Variants in MAP3K3 observed in about 807,000 individuals in gnomAD.
The protein encoded by MAP3K3 is mitogen-activated protein kinase kinase kinase 3, also known as MAP/ERK kinase kinase 3.
A neutral mutation model predicts 80.9 loss-of-function variants in MAP3K3; 12 were observed. The ratio of observed to expected loss-of-function variants is 0.15; its 90% confidence interval spans 0.10 to 0.24. MAP3K3 has a LOEUF of 0.24. Among genes scored for constraint, MAP3K3 ranks in the 10% least tolerant of loss-of-function variants. MAP3K3 has a pLI of 1.00. For synonymous variants in MAP3K3, 272 were observed against 307.1 expected (o/e 0.89, Z 1.19); for missense variants, 596 against 834.7 (o/e 0.71, Z 3.52).
chr17:63,654,144 C>T (rs918444268), intron 4 of MAP3K3, among the ~76,000 whole-genome samples: 1 of 152,202 alleles, frequency 6.6e-6, no homozygotes, highest in Non-Finnish European at 1.5e-5. Context: ...GCTGGGATTA[C>T]AGGCATGAGC....
chr17:63,670,458 C>A (rs1210834960), intron 6 of MAP3K3, among the ~76,000 whole-genome samples: 1 of 151,762 alleles, frequency 6.6e-6, no homozygotes, highest in African/African-American at 2.4e-5. Context: ...TGGTGAGTGC[C>A]TCTAGTCCCA....
chr17:63,687,331 C>T (rs1449725469), intron 8 of MAP3K3, among the ~76,000 whole-genome samples: 2 of 148,790 alleles, frequency 1.3e-5, no homozygotes, highest in Non-Finnish European at 3.0e-5. Context: ...TAGTGAAACC[C>T]TGTCTCTACT....
At position 63,690,319 on chromosome 17, in the gene MAP3K3, C is replaced by T. The variant is rs201713792; in HGVS notation, c.1119C>T (p.Phe373=). The T allele has an allele frequency of 1.3e-5, 21 of 1,614,068 alleles. No homozygotes were observed. Among genetic ancestry groups the T allele is most frequent in the East Asian group, 6.7e-5 (3 of 44,896 alleles). The change falls in exon 12 of 16, where the codon TTC becomes TTT. Residue 373 remains phenylalanine (F), a synonymous_variant. Coordinates refer to ENST00000361733, the MANE Select transcript of MAP3K3 (RefSeq NM_002401.5). ...GAAAGCTCCTGGGCCAGGGTGCCTTCGGCAGGGTCTATTTGTGCTATGACG... is the reference window on the plus strand; with the variant it reads ...GAAAGCTCCTGGGCCAGGGTGCCTTTGGCAGGGTCTATTTGTGCTATGACG... ...RRGKLLGQGA[F]GRVYLCYDVD... is the part of the protein sequence containing the mutation.
At chr17:63,632,179 T>C (rs528506457) in intron 1 of MAP3K3, among the ~76,000 whole-genome samples, 71 of 152,218 alleles carry the variant, frequency 4.7e-4, no homozygotes, top group Non-Finnish European at 6.9e-4. Flanking sequence ...GGAAATCTGA[T>C]TGGAGGGCTA....
chr17:63,676,182 C>T (rs1206739320), intron 6 of MAP3K3, among the ~76,000 whole-genome samples: 2 of 152,222 alleles, frequency 1.3e-5, no homozygotes, highest in Admixed American at 1.3e-4. Flanking sequence ...TCTCTGCAGG[C>T]ACAGTGTGGA....
intron 6 of MAP3K3, among the ~76,000 whole-genome samples, chr17:63,669,291 G>A (rs781662159): frequency 2.6e-5 from 4 of 152,178 alleles, no homozygotes; most frequent in African/African-American, 4.8e-5. Context: ...TGGAGAGCTC[G>A]CTATTCTTCA....
chr17:63,644,293 C>T (rs1235690690), intron 2 of MAP3K3, among the ~76,000 whole-genome samples: 2 of 152,156 alleles, frequency 1.3e-5, no homozygotes, highest in Non-Finnish European at 2.9e-5. Context: ...CAGCTCACTG[C>T]AACCTCTGCC....
chr17:63,671,826 G>A (rs1243457761), intron 6 of MAP3K3, among the ~76,000 whole-genome samples: 2 of 152,158 alleles, frequency 1.3e-5, no homozygotes, highest in Non-Finnish European at 2.9e-5. Context: ...AGTGGCCTCA[G>A]TTTTAAGGTA....
intron 6 of MAP3K3, among the ~76,000 whole-genome samples, chr17:63,676,276 A>C (rs1428104284): frequency 6.6e-6 from 1 of 152,202 alleles, no homozygotes; most frequent in African/African-American, 2.4e-5. Flanking sequence ...CTGGGTCTGT[A>C]GTGCTGGCCT....
chr17:63,660,283 C>T (rs2034860973), intron 5 of MAP3K3, among the ~76,000 whole-genome samples: 1 of 152,132 alleles, frequency 6.6e-6, no homozygotes, highest in Non-Finnish European at 1.5e-5. Context: ...TCACCACAGC[C>T]TCAACCTCCC....
intron 2 of MAP3K3, among the ~76,000 whole-genome samples, chr17:63,641,264 A>G (rs909862516): frequency 8.1e-5 from 12 of 148,216 alleles, no homozygotes; most frequent in Non-Finnish European, 1.5e-4. Flanking sequence ...TTTTCCTGAG[A>G]TGGAGTCTTG....
chr17:63,624,565 T>C (rs1168313139), intron 1 of MAP3K3, among the ~76,000 whole-genome samples: 1 of 152,182 alleles, frequency 6.6e-6, no homozygotes, highest in African/African-American at 2.4e-5. Flanking sequence ...GGAAACTATA[T>C]AGGCTGGGTC....
Position 63,647,054 on chromosome 17 carries a change from T to G in MAP3K3, c.167+980T>G, listed in dbSNP as rs895372414. The stretch of plus-strand genomic sequence containing the variant: ...GGACCTTAGTACCTCTAAACATTCT[T>G]GATTCTGGTAGTTCTCTACAGTTGG... On this transcript the variant is annotated intron_variant, in intron 3 of 15. Transcript: ENST00000361733. 2.0e-5 allele frequency among the ~76,000 whole-genome samples: 3 copies of G among 152,190 alleles called. No individual in the cohort carries two copies. The East Asian group carries it at 5.8e-4, about 29-fold the overall frequency.
rs1204919063 is a variant in MAP3K3 at position 63,688,894 on chromosome 17, T to C, written c.871+13T>C. ...GACTACAGTGATGGTGAGTTCTTCTTCACCTGCTCCCTGCTGGCTGCCTCA... is the reference window on the plus strand; with the variant it reads ...GACTACAGTGATGGTGAGTTCTTCTCCACCTGCTCCCTGCTGGCTGCCTCA... On this transcript the variant is annotated intron_variant, in intron 10 of 15. Coordinates refer to ENST00000361733, the MANE Select transcript of MAP3K3 (RefSeq NM_002401.5). 1.2e-6 allele frequency: 2 copies of C among 1,601,752 alleles called. No individual in the cohort carries two copies. Among genetic ancestry groups the C allele is most frequent in the Admixed American group, 1.7e-5 (1 of 59,976 alleles).
intron 2 of MAP3K3, among the ~76,000 whole-genome samples, chr17:63,645,809 C>T (rs1446529705): frequency 6.6e-6 from 1 of 152,176 alleles, no homozygotes; most frequent in East Asian, 1.9e-4. Context: ...TGGGCAGCCA[C>T]CTAGGGATCT....
intron 3 of MAP3K3, among the ~76,000 whole-genome samples, chr17:63,647,136 C>A (rs2034556425): frequency 6.6e-6 from 1 of 152,144 alleles, no homozygotes; most frequent in Admixed American, 6.5e-5. Context: ...TACTATTCTC[C>A]CTTTAAAATA....
At position 63,689,697 on chromosome 17, in the gene MAP3K3, A is replaced by G. The variant is rs1336289198; in HGVS notation, c.1025A>G (p.Asn342Ser). Residue 342 changes from asparagine to serine, a missense_variant, in exon 11 of 16, where the codon AAT (asparagine) becomes AGT (serine). By Grantham distance (46) the Asn-to-Ser change is conservative. Transcript: ENST00000361733. The surrounding 1 kb of genome is among the most constrained non-coding windows in gnomAD (Gnocchi z 4.3). ...CGCCTGCGGAGTGCGGACAGCGAGA[A>G]TGCCCTCTCTGTGCAGGAGAGGAAT... ...RGRLRSADSENALSVQERNVP... is the reference protein window; with the variant it reads ...RGRLRSADSESALSVQERNVP... 4 of 1,613,836 alleles carry G rather than the reference A, an allele frequency of 2.5e-6. No homozygotes were observed. Among genetic ancestry groups the G allele is most frequent in the Non-Finnish European group, 2.5e-6 (3 of 1,179,912 alleles).
chr17:63,630,235 A>G (rs762633338), intron 1 of MAP3K3, among the ~76,000 whole-genome samples: 1 of 152,144 alleles, frequency 6.6e-6, no homozygotes, highest in Non-Finnish European at 1.5e-5. Context: ...ATATAAACCT[A>G]TACATATTAT....
rs372374104 is a variant in MAP3K3, at chr17:63,692,456, C to G, written c.1652+37C>G. ...GACATGCAGAACCCATTCTTCCACC[C>G]AGGCCATAGTGGCCCCCCATTAGAA... On this transcript the variant is annotated intron_variant, in intron 15 of 15. Transcript: ENST00000361733. This position sits in a 1 kb window ranked among gnomAD's most constrained non-coding sequence, Gnocchi z 4.5. 6.4e-7 allele frequency: 1 copy of G among 1,565,108 alleles called. No homozygotes were observed. The highest frequency in any genetic ancestry group is 8.7e-7 in the Non-Finnish European group (1 of 1,155,306).
Sources: gnomAD v4.1 joint callset for allele counts (sites outside exome capture counted in the v4.1 genomes callset) on GRCh38, gnomAD v4.1.1 for gene constraint, Gnocchi (gnomAD v3.1) non-coding constraint, MANE v1.5 for transcripts, NCBI Gene and HGNC (gene_info 2026-07-23, HGNC 2026-07-21) for gene names.